ACAD10: variants seen among roughly 807,000 people sequenced by gnomAD.
The protein encoded by ACAD10 is acyl-CoA dehydrogenase family member 10.
A neutral mutation model predicts 116.8 loss-of-function variants in ACAD10; 112 were observed. The observed-to-expected ratio is 0.96, with a 90% confidence interval of 0.82 to 1.12. The LOEUF is 1.12. Among genes scored for constraint, ACAD10 ranks in the 50% most tolerant of loss-of-function variants. ACAD10 has a pLI of 0.00. For synonymous variants in ACAD10, 486 were observed against 510.6 expected, an observed-to-expected ratio of 0.95 and a Z score of 0.65; for missense variants, 1,259 against 1,350.2, an observed-to-expected ratio of 0.93 and a Z score of 1.06.
chr12:111,744,749 G>A lies in ACAD10; in HGVS notation c.1821G>A (p.Glu607=). 1 of 1,614,214 alleles carries A rather than the reference G, an allele frequency of 6.2e-7. No individual in the cohort carries two copies. Among genetic ancestry groups the A allele is most frequent in the Non-Finnish European group, 8.5e-7 (1 of 1,180,036 alleles). ...AVKEGFRVFK[E]MPFTNPLTRS... The stretch of plus-strand genomic sequence containing the variant: ...AAGAAGGGTTCCGGGTTTTCAAAGA[G>A]ATGCCCTTCACAAATCCGTTAACAA... Residue 607 remains glutamate (E), a synonymous_variant, in exon 13 of 21, where the codon GAG becomes GAA. Transcript: ENST00000313698.
chr12:111,692,915 T>C lies in ACAD10; in HGVS notation c.187+19T>C. 1 of 1,611,942 alleles carries C rather than the reference T, an allele frequency of 6.2e-7. No homozygotes were observed. Among genetic ancestry groups the C allele is most frequent in the Non-Finnish European group, 8.5e-7 (1 of 1,178,758 alleles). On this transcript the variant is annotated intron_variant, in intron 2 of 20. Coordinates refer to ENST00000313698, the MANE Select transcript of ACAD10 (RefSeq NM_025247.6). ...GCTGCAGGTGAGCTATTGATTCTGT[T>C]TCACTTTGTGGGACTAGAGTGGTGG... is the stretch of plus-strand genomic sequence containing the variant.
intron 10 of ACAD10, among the ~76,000 whole-genome samples, chr12:111,732,477 TCAGGGTAG>T (rs1889417445): frequency 1.3e-5 from 2 of 152,196 alleles, no homozygotes; most frequent in Non-Finnish European, 2.9e-5. Context: ...TATACCAACT[TCAGGGTAG>T]CAGTAAATCT....
intron 18 of ACAD10, chr12:111,749,739 CGAA>C: frequency 6.4e-6 from 1 of 155,678 alleles, no homozygotes; most frequent in Non-Finnish European, 1.3e-5. Flanking sequence ...CCAGCCTAGG[CGAA>C]AAAGAGAGAC....
At chr12:111,754,477 C>G (rs958847501) in intron 19 of ACAD10, among the ~76,000 whole-genome samples, 7 of 152,058 alleles carry the variant, frequency 4.6e-5, no homozygotes, top group Non-Finnish European at 1.0e-4. Context: ...TAGAGACCGG[C>G]TCTCACCATG....
At chr12:111,714,534 G>A (rs1397713593) in intron 6 of ACAD10, among the ~76,000 whole-genome samples, 5 of 150,484 alleles carry the variant, frequency 3.3e-5, no homozygotes, top group Admixed American at 2.0e-4. Flanking sequence ...GTGTGGTGGC[G>A]CATGCCTGTA....
intron 3 of ACAD10, among the ~76,000 whole-genome samples, chr12:111,705,144 T>C (rs970028716): frequency 2.6e-5 from 4 of 152,188 alleles, no homozygotes; most frequent in Non-Finnish European, 4.4e-5. Flanking sequence ...CATATACTTT[T>C]AGATTTCACT....
chr12:111,715,732 C>A, intron 6 of ACAD10, 89 bp from the exon 7 acceptor site: 1 of 1,567,064 alleles, frequency 6.4e-7, no homozygotes, highest in South Asian at 1.2e-5. Context: ...TTTTGAAGCC[C>A]AAATGCAGAA....
chr12:111,686,527 C>G (rs1452706071), intron 1 of ACAD10, among the ~76,000 whole-genome samples: 3 of 152,158 alleles, frequency 2.0e-5, no homozygotes, highest in Non-Finnish European at 4.4e-5. Flanking sequence ...CCAACCTGGC[C>G]AACATGGTGA....
Position 111,744,895 on chromosome 12 carries a change from C to T in ACAD10, c.1967C>T (p.Pro656Leu). 6.2e-7 allele frequency: 1 copy of T among 1,614,158 alleles called. No homozygotes were observed. The highest frequency in any genetic ancestry group is 8.5e-7 in the Non-Finnish European group (1 of 1,180,032). The change falls in exon 13 of 21, where the codon CCA becomes CTA. Residue 656 changes from proline (P) to leucine (L), a missense_variant. Coordinates refer to ENST00000313698, the MANE Select transcript of ACAD10 (RefSeq NM_025247.6). ...HTSRGGLVIS[P>L]ESLSPPVREL... is the part of the protein sequence containing the mutation. ...TCAAGGGGAGGTCTGGTTATCTCTC[C>T]AGAGAGCCTCTCTCCACCTGTCAGA...
intron 12 of ACAD10, among the ~76,000 whole-genome samples, chr12:111,741,978 C>T (rs1051843900): frequency 2.0e-5 from 3 of 152,280 alleles, no homozygotes. Context: ...CAGTATGTAC[C>T]TGCCCAGCCC....
chr12:111,747,051 A>T lies in ACAD10; in HGVS notation c.2259A>T (p.Val753=). Residue 753 remains valine (V), a splice_region_variant and synonymous_variant, in exon 15 of 21, where the codon GTA becomes GTT. Transcript: ENST00000313698. ...LMGTSLYAPE[V]CNCSAPDTGN... ...GTCACGCTCCTTTTCCTTCTCAGGT[A>T]TGTAACTGCTCTGCGCCTGACACGG... is the stretch of plus-strand genomic sequence containing the variant. The T allele has an allele frequency of 6.3e-7, 1 of 1,591,970 alleles. No individual in the cohort carries two copies. Among genetic ancestry groups the T allele is most frequent in the Non-Finnish European group, 8.6e-7 (1 of 1,167,574 alleles).
intron 12 of ACAD10, among the ~76,000 whole-genome samples, chr12:111,737,504 C>T (rs1307471727): frequency 6.6e-6 from 1 of 152,060 alleles, no homozygotes. Flanking sequence ...AATATTTAAA[C>T]TTGTTTTTTA....
Position 111,752,283 on chromosome 12 carries a change from T to G in ACAD10, c.2818-1489T>G, listed in dbSNP as rs533780140. 4.6e-5 allele frequency among the ~76,000 whole-genome samples: 7 copies of G among 151,874 alleles called. No individual in the cohort carries two copies. The South Asian group carries it at 1.5e-3, about 32-fold the overall frequency. On this transcript the variant is annotated intron_variant, in intron 18 of 20. Transcript: ENST00000313698. ...GCTTTGATGCAAAATAATGTTTTGT[T>G]GTTGTTGTTGTTGTTGTTGTTATTG...
At chr12:111,740,429 C>A (rs1253742208) in intron 12 of ACAD10, among the ~76,000 whole-genome samples, 6 of 149,604 alleles carry the variant, frequency 4.0e-5, no homozygotes, top group African/African-American at 1.5e-4. Flanking sequence ...CCACTACACT[C>A]CAGCCTGGGT....
intron 11 of ACAD10, among the ~76,000 whole-genome samples, chr12:111,735,428 T>C (rs1468051473): frequency 3.3e-5 from 5 of 152,056 alleles, no homozygotes; most frequent in Non-Finnish European, 7.4e-5. Context: ...TTCTAAATCA[T>C]GAAAATGTCA....
chr12:111,716,213 C>G (rs1050081680), intron 7 of ACAD10, among the ~76,000 whole-genome samples: 5 of 151,936 alleles, frequency 3.3e-5, no homozygotes, highest in Admixed American at 2.6e-4. Flanking sequence ...CCCCATCCCC[C>G]CCCAAAAAAA....
At chr12:111,748,675 AT>A (rs1220924842) in intron 17 of ACAD10, 200 bp downstream of exon 17, 4 of 669,530 alleles carry the variant, frequency 6.0e-6, no homozygotes, top group Non-Finnish European at 9.9e-6. Flanking sequence ...GCATTTATGG[AT>A]TTTTTTCCCT....
chr12:111,722,188 A>T (rs1200330600), intron 8 of ACAD10, among the ~76,000 whole-genome samples: 1 of 151,990 alleles, frequency 6.6e-6, no homozygotes, highest in East Asian at 1.9e-4. Flanking sequence ...CAGTCTCCTG[A>T]GTAGCTGGGA....
At chr12:111,752,210 G>A (rs1224900293) in intron 18 of ACAD10, among the ~76,000 whole-genome samples, 1 of 151,606 alleles carries the variant, frequency 6.6e-6, no homozygotes, top group South Asian at 2.1e-4. Context: ...GGGTAACAGA[G>A]CAACACCCTG....
Sources: gnomAD v4.1 joint callset for allele counts (sites outside exome capture counted in the v4.1 genomes callset) on GRCh38, gnomAD v4.1.1 for gene constraint, MANE v1.5 for transcripts, NCBI Gene and HGNC (gene_info 2026-07-23, HGNC 2026-07-21) for gene names.